Variants in PSMG4 observed in about 807,000 individuals in gnomAD.
The protein encoded by PSMG4 is proteasome assembly chaperone 4, also known as proteasome (prosome, macropain) assembly chaperone 4.
Under a neutral mutation model 11.0 loss-of-function variants are expected in PSMG4, and 10 were observed. That is an observed-to-expected ratio of 0.91 (90% confidence interval 0.56 to 1.54). The LOEUF (loss-of-function observed/expected upper bound fraction) is 1.54, where lower values mean the gene tolerates loss of function less well. Among genes scored for constraint, PSMG4 ranks in the 40% most tolerant of loss-of-function variants. The probability of loss-of-function intolerance (pLI) is 0.00; values close to 1 mark genes in which losing one functional copy is unlikely to be tolerated. For missense variants in PSMG4, 198 were observed against 160.9 expected (o/e 1.23, Z -1.25); for synonymous variants, 95 against 71.3 (o/e 1.33, Z -1.68).
At chr6:3,255,236 C>T (rs561406441), upstream of PSMG4, 17 of 1,549,320 alleles carry the variant, frequency 1.1e-5, no homozygotes, top group Admixed American at 2.0e-5. Context: ...TCTGGTAAGC[C>T]TTCCATGCTG....
upstream of PSMG4, chr6:3,255,130 T>G: frequency 3.2e-6 from 5 of 1,551,066 alleles, no homozygotes; most frequent in Non-Finnish European, 4.4e-6. Flanking sequence ...TTACCACGTA[T>G]TGGTCATTCT....
chr6:3,264,215 G>C (rs139604096), intron 2 of PSMG4: 1 of 1,551,604 alleles, frequency 6.4e-7, no homozygotes, highest in Admixed American at 2.0e-5. Flanking sequence ...TCAGGGCTCG[G>C]AGGGAAGACT....
chr6:3,261,674 G>A (rs925855792), intron 1 of PSMG4, among the ~76,000 whole-genome samples: 9 of 152,196 alleles, frequency 5.9e-5, no homozygotes, highest in Non-Finnish European at 1.3e-4. Context: ...CAGGGGCAGA[G>A]AGCCGAGCCA....
chr6:3,258,441 G>A (rs1757837769), upstream of PSMG4, among the ~76,000 whole-genome samples: 1 of 152,230 alleles, frequency 6.6e-6, no homozygotes, highest in Non-Finnish European at 1.5e-5. Context: ...CTTAATTAGG[G>A]CTGGGTGCCG....
Position 3,267,699 on chromosome 6 carries a change from C to A in PSMG4, c.359C>A (p.Pro120His). 1 of 1,552,118 alleles carries A rather than the reference C, an allele frequency of 6.4e-7. No individual in the cohort carries two copies. Among genetic ancestry groups the A allele is most frequent in the South Asian group, 1.2e-5 (1 of 84,024 alleles). ...ATCAAGGAAGAGATGGAGGCTTTCC[C>A]CGAAAAGTTCTAGCTGAGTGGCAGA... The part of the protein sequence containing the change: ...NRIKEEMEAF[P>H]EKF Residue 120 changes from proline to histidine, a missense_variant, in exon 3 of 3, where the codon CCC becomes CAC. By Grantham distance (77) the Pro-to-His change is moderately conservative. Transcript: ENST00000438998.
Position 3,259,056 on chromosome 6 carries a change from G to A in PSMG4, c.34G>A (p.Val12Ile), listed in dbSNP as rs1757862081. The A allele has an allele frequency of 4.8e-6, 6 of 1,257,822 alleles. No individual in the cohort carries two copies. Among genetic ancestry groups the A allele is most frequent in the Non-Finnish European group, 4.0e-6 (4 of 999,576 alleles). The allele number at this position is 1,257,822 out of a possible 1,614,324, so 77.9% of individuals were successfully genotyped here. ...EGLVVAAGGD[V>I]SLHNFSARLW... ...GCTGGTTGTCGCCGCCGGCGGGGAC[G>A]TCTCCCTGCACAACTTCAGCGCGAG... The change falls in exon 1 of 3, where the codon GTC (valine) becomes ATC (isoleucine). Residue 12 changes from valine (V) to isoleucine (I), a missense_variant. Val to Ile is a conservative substitution (Grantham distance 29). Transcript: ENST00000438998.
At chr6:3,255,363 C>G, upstream of PSMG4, 31 of 1,436,582 alleles carry the variant, frequency 2.2e-5, no homozygotes, top group Non-Finnish European at 2.7e-5. Flanking sequence ...TTAATTTTTC[C>G]TGTGGTGGAT....
chr6:3,256,452 A>G (rs1275678500), upstream of PSMG4, among the ~76,000 whole-genome samples: 1 of 152,176 alleles, frequency 6.6e-6, no homozygotes, highest in East Asian at 1.9e-4. Context: ...TTCCAGCTCT[A>G]ACCCTTCAAA....
chr6:3,256,685 T>G (rs919514495), upstream of PSMG4, among the ~76,000 whole-genome samples: 2 of 152,212 alleles, frequency 1.3e-5, no homozygotes, highest in Non-Finnish European at 2.9e-5. Flanking sequence ...ATACCGCCCT[T>G]GCAGTAGGCA....
chr6:3,263,731 G>C lies in PSMG4; in HGVS notation c.222G>C (p.Thr74=). 1 of 1,551,090 alleles carries C rather than the reference G, an allele frequency of 6.4e-7. No homozygotes were observed. Among genetic ancestry groups the C allele is most frequent in the Non-Finnish European group, 8.7e-7 (1 of 1,146,712 alleles). Residue 74 remains threonine, a synonymous_variant, in exon 2 of 3, where the codon ACG becomes ACC. Transcript: ENST00000438998. ...STSLLGDTSD[T]TSTGLAQRLA... ...CCCTCCTTGGAGACACTTCCGACAC[G>C]ACCTCTACTGGCCTTGCCCAGCGCC...
intron 2 of PSMG4, chr6:3,264,044 G>A (rs1043278674): frequency 7.2e-5 from 101 of 1,410,562 alleles, no homozygotes; most frequent in Non-Finnish European, 9.4e-5. Flanking sequence ...CCTTCCGTAA[G>A]TGCATCACCA....
chr6:3,259,859 G>C (rs4959783), intron 1 of PSMG4, among the ~76,000 whole-genome samples: 9 of 152,098 alleles, frequency 5.9e-5, no homozygotes, highest in Non-Finnish European at 1.3e-4. Context: ...CCGGCTTTGC[G>C]TGTCGCCGCC....
chr6:3,257,862 T>C (rs1757817920), upstream of PSMG4, among the ~76,000 whole-genome samples: 1 of 152,252 alleles, frequency 6.6e-6, no homozygotes, highest in Non-Finnish European at 1.5e-5. Flanking sequence ...TATTGTATGT[T>C]AATCACATTT....
intron 2 of PSMG4, chr6:3,264,211 C>T (rs1315814344): frequency 1.9e-6 from 3 of 1,551,580 alleles, no homozygotes; most frequent in East Asian, 4.9e-5. Context: ...CCGTTCAGGG[C>T]TCGGAGGGAA....
At chr6:3,255,110 C>T (rs1028609663), upstream of PSMG4, 38 of 1,550,964 alleles carry the variant, frequency 2.5e-5, no homozygotes, top group African/African-American at 1.9e-4. Context: ...AGGAGCACAA[C>T]ATCACCAGCT....
upstream of PSMG4, chr6:3,258,783 A>G: frequency 2.7e-6 from 1 of 369,136 alleles, no homozygotes; most frequent in Non-Finnish European, 4.8e-6. Flanking sequence ...TGTGCGGGAG[A>G]GGCCAGCAAG....
chr6:3,257,908 CTG>C (rs746696939), upstream of PSMG4, among the ~76,000 whole-genome samples: 6 of 152,238 alleles, frequency 3.9e-5, no homozygotes, highest in African/African-American at 7.2e-5. Flanking sequence ...TGAAAATTAA[CTG>C]TATTATTGAA....
chr6:3,267,497 C>T, intron 2 of PSMG4, 94 bp from the exon 3 acceptor site: 2 of 1,434,608 alleles, frequency 1.4e-6, no homozygotes, highest in Non-Finnish European at 1.9e-6. Context: ...ACCCCATCCT[C>T]TTTCTGAGCA....
intron 1 of PSMG4, among the ~76,000 whole-genome samples, chr6:3,261,754 C>T (rs1206376593): frequency 6.6e-6 from 1 of 152,162 alleles, no homozygotes; most frequent in African/African-American, 2.4e-5. Flanking sequence ...CGTGGGGCGG[C>T]CCTCCATCTA....
Sources: allele counts gnomAD v4.1 joint callset (sites outside exome capture counted in the v4.1 genomes callset), GRCh38; gene constraint gnomAD v4.1.1; transcripts MANE v1.5; gene names NCBI Gene and HGNC (gene_info 2026-07-23, HGNC 2026-07-21).